CES5A: variants seen among roughly 807,000 people sequenced by gnomAD.
CES5A encodes carboxylesterase 5.
In CES5A, 67 loss-of-function variants were observed where a neutral mutation model predicts 62.9. The observed-to-expected ratio is 1.07, with a 90% CI of 0.88 to 1.31. The LOEUF is 1.31. Ranked by LOEUF, CES5A falls within the 50% of genes most tolerant of loss-of-function variation. The pLI, the probability that CES5A is intolerant of heterozygous loss-of-function variation, is 0.00. For missense variants in CES5A, 748 were observed against 708.5 expected (o/e 1.06, Z -0.63); for synonymous variants, 296 against 280.8 (o/e 1.05, Z -0.54).
At chr16:55,912,727 C>A (rs1169933078) in intron 1 of CES5A, among the ~76,000 whole-genome samples, 1 of 152,116 alleles carries the variant, frequency 6.6e-6, no homozygotes, top group Non-Finnish European at 1.5e-5. Context: ...TATTCTTTAC[C>A]TGCTGGAGTG....
chr16:55,917,206 A>AC (rs767166996), intron 1 of CES5A, among the ~76,000 whole-genome samples: 18 of 152,120 alleles, frequency 1.2e-4, no homozygotes, highest in Non-Finnish European at 2.5e-4. Context: ...CACTTACTCC[A>AC]CCTTTGACCT....
chr16:55,875,692 C>T (rs145669658), upstream of CES5A, among the ~76,000 whole-genome samples: 75 of 152,322 alleles, frequency 4.9e-4, no homozygotes, highest in African/African-American at 1.7e-3. Flanking sequence ...GCACTGCCAG[C>T]TCAGACAAGC....
intron 2 of CES5A, among the ~76,000 whole-genome samples, chr16:55,935,667 T>C (rs772107447): frequency 6.6e-6 from 1 of 152,228 alleles, no homozygotes. Context: ...CTGAGTTCTA[T>C]ACCATTTTTA....
intron 4 of CES5A, among the ~76,000 whole-genome samples, chr16:55,866,763 G>A (rs7501313): frequency 0.21 from 31,359 of 150,500 alleles, 3,993 homozygotes; most frequent in Middle Eastern, 0.33. Context: ...GCTTGACCCC[G>A]GGAGGCGGAG....
chr16:55,859,288 C>T (rs2033305414), intron 8 of CES5A, among the ~76,000 whole-genome samples: 1 of 152,170 alleles, frequency 6.6e-6, no homozygotes, highest in Admixed American at 6.5e-5. Flanking sequence ...CCAAATGGAC[C>T]GATCCCCTCT....
intron 1 of CES5A, among the ~76,000 whole-genome samples, chr16:55,897,449 G>T (rs1451139551): frequency 1.3e-5 from 2 of 148,616 alleles, no homozygotes; most frequent in African/African-American, 5.2e-5. Context: ...ATGAAGGTTT[G>T]CCTTGCTTTT....
At chr16:55,867,520 A>G (rs1567331374) in intron 4 of CES5A, among the ~76,000 whole-genome samples, 2 of 151,952 alleles carry the variant, frequency 1.3e-5, no homozygotes. Context: ...GGTCCCCTCC[A>G]CTGTCTATGA....
At chr16:55,887,924 C>T (rs1221338835) in intron 1 of CES5A, among the ~76,000 whole-genome samples, 1 of 152,060 alleles carries the variant, frequency 6.6e-6, no homozygotes, top group Non-Finnish European at 1.5e-5. Flanking sequence ...GGTTCTTGAG[C>T]GGCCGAGTAC....
intron 2 of CES5A, among the ~76,000 whole-genome samples, chr16:55,946,299 C>T (rs1261484676): frequency 1.3e-5 from 2 of 152,028 alleles, no homozygotes; most frequent in African/African-American, 4.8e-5. Context: ...GTAGGTCAAA[C>T]CACATTTCAG....
chr16:55,938,255 C>T (rs1339008370), intron 2 of CES5A, among the ~76,000 whole-genome samples: 2 of 152,112 alleles, frequency 1.3e-5, no homozygotes, highest in Non-Finnish European at 2.9e-5. Context: ...TTAATGTAGC[C>T]AGCAGATGCA....
intron 6 of CES5A, among the ~76,000 whole-genome samples, chr16:55,862,400 T>A (rs542823664): frequency 1.3e-5 from 2 of 152,292 alleles, no homozygotes; most frequent in East Asian, 3.9e-4. Flanking sequence ...TTTAATCCTA[T>A]CCATGGATAG....
At chr16:55,934,195 C>A (rs1008291507) in intron 2 of CES5A, among the ~76,000 whole-genome samples, 4 of 152,142 alleles carry the variant, frequency 2.6e-5, no homozygotes, top group Non-Finnish European at 5.9e-5. Context: ...TTATCACCTT[C>A]TAATGTATTG....
chr16:55,847,430 CAATT>C (rs1370162148), intron 11 of CES5A, among the ~76,000 whole-genome samples: 12 of 152,002 alleles, frequency 7.9e-5, no homozygotes, highest in Admixed American at 7.9e-4. Context: ...CACATTTTTA[CAATT>C]AATTTTTGTA....
intron 1 of CES5A, among the ~76,000 whole-genome samples, chr16:55,921,597 T>C (rs1205045079): frequency 8.0e-6 from 1 of 125,644 alleles, no homozygotes; most frequent in Non-Finnish European, 1.6e-5. Flanking sequence ...ACCAGACCCA[T>C]CAGACAAGAA....
intron 8 of CES5A, among the ~76,000 whole-genome samples, chr16:55,857,192 G>T (rs2033260132): frequency 6.6e-6 from 1 of 152,170 alleles, no homozygotes; most frequent in Admixed American, 6.5e-5. Flanking sequence ...TGAGAACTTG[G>T]CAAGGGACTC....
chr16:55,890,819 G>A (rs9746865), intron 1 of CES5A, among the ~76,000 whole-genome samples: 32,386 of 152,074 alleles, frequency 0.21, 4,544 homozygotes, highest in Non-Finnish European at 0.31. Context: ...AGTTTATTTC[G>A]CCAAGGTTGA....
At chr16:55,924,006 A>G (rs2034234741) in intron 1 of CES5A, among the ~76,000 whole-genome samples, 1 of 151,984 alleles carries the variant, frequency 6.6e-6, no homozygotes, top group African/African-American at 2.4e-5. Flanking sequence ...GATCTGGAAT[A>G]AGACAAGTAT....
chr16:55,947,741 T>G (rs1465255153), intron 2 of CES5A, among the ~76,000 whole-genome samples: 1 of 151,956 alleles, frequency 6.6e-6, no homozygotes, highest in Non-Finnish European at 1.5e-5. Context: ...CATGAAGATA[T>G]CTGGGCATTT....
intron 6 of CES5A, 86 bp from the exon 7 acceptor site, chr16:55,861,602 A>T: frequency 8.7e-6 from 8 of 921,432 alleles, no homozygotes; most frequent in African/African-American, 1.6e-5. Flanking sequence ...CCAATCAGCC[A>T]CAGGCTGGCC....
Sources: allele counts gnomAD v4.1 joint callset (sites outside exome capture counted in the v4.1 genomes callset), GRCh38; gene constraint gnomAD v4.1.1; transcripts MANE v1.5; gene names NCBI Gene and HGNC (gene_info 2026-07-23, HGNC 2026-07-21).